DIAPH2: variants seen among roughly 807,000 people sequenced by gnomAD.
DIAPH2 encodes the protein protein diaphanous homolog 2.
A neutral mutation model predicts 92.7 loss-of-function variants in DIAPH2; 35 were observed. The observed-to-expected ratio is 0.38, with a 90% CI of 0.29 to 0.50. DIAPH2 has a LOEUF of 0.50. DIAPH2 is among the 20% of genes least tolerant of loss of function. The probability of loss-of-function intolerance (pLI) is 0.94; values close to 1 mark genes in which losing one functional copy is unlikely to be tolerated. For synonymous variants in DIAPH2, 301 were observed against 280.4 expected (o/e 1.07, Z -0.73); for missense variants, 701 against 819.5 (o/e 0.86, Z 1.77).
chrX:97,415,909 T>C (rs946681180), intron 25 of DIAPH2, among the ~76,000 whole-genome samples: 3 of 111,435 alleles, frequency 2.7e-5, no homozygotes, highest in Non-Finnish European at 5.7e-5. Flanking sequence ...GGACAGGAAC[T>C]AGAAGCTTTG....
At chrX:97,246,076 T>C (rs2068140011) in intron 22 of DIAPH2, among the ~76,000 whole-genome samples, 2 of 103,673 alleles carry the variant, frequency 1.9e-5, no homozygotes, top group African/African-American at 7.0e-5. Context: ...CTAATTTTTG[T>C]ATTTTTTTTT....
chrX:97,278,503 C>G (rs1346042570), intron 23 of DIAPH2, among the ~76,000 whole-genome samples: 1 of 111,293 alleles, frequency 9.0e-6, no homozygotes, highest in Non-Finnish European at 1.9e-5. Context: ...TCCCCCTAAC[C>G]CCTGGCAACC....
chrX:96,840,791 T>C (rs1451583270), intron 4 of DIAPH2, among the ~76,000 whole-genome samples: 4 of 108,430 alleles, frequency 3.7e-5, no homozygotes, highest in Non-Finnish European at 7.7e-5. Flanking sequence ...TTTTTTGTAT[T>C]TTTAGTAGAG....
chrX:97,120,551 G>T (rs190817648), intron 21 of DIAPH2, among the ~76,000 whole-genome samples: 1 of 106,513 alleles, frequency 9.4e-6, no homozygotes, highest in East Asian at 2.9e-4. Context: ...CCTGCTTCCC[G>T]TCTGCCATGA....
At chrX:97,472,888 T>A (rs2070574128) in intron 26 of DIAPH2, among the ~76,000 whole-genome samples, 1 of 112,262 alleles carries the variant, frequency 8.9e-6, no homozygotes, top group South Asian at 3.7e-4. Flanking sequence ...GCCTTTCTCC[T>A]ACATTCCCCC....
At chrX:97,267,872 A>C (rs1021658350) in intron 23 of DIAPH2, among the ~76,000 whole-genome samples, 3 of 111,470 alleles carry the variant, frequency 2.7e-5, no homozygotes, top group African/African-American at 9.8e-5. Flanking sequence ...AACTAAACTG[A>C]CTGACTTTGA....
At chrX:96,938,870 A>G (rs908780631) in intron 11 of DIAPH2, among the ~76,000 whole-genome samples, 1 of 112,147 alleles carries the variant, frequency 8.9e-6, no homozygotes, top group Admixed American at 9.5e-5. Context: ...CTTATGTGGC[A>G]GTGAAAATAG....
At chrX:97,533,056 A>T (rs149272800) in intron 26 of DIAPH2, 63 of 111,587 alleles carry the variant, frequency 5.6e-4, no homozygotes, top group African/African-American at 1.9e-3. Flanking sequence ...TGAATTTTGA[A>T]CATAAAAGTT....
Position 96,827,308 on chromosome X carries a change from A to G in DIAPH2, c.448-54271A>G, listed in dbSNP as rs184354900. Among the ~76,000 whole-genome samples, 15 of 112,379 alleles carry G rather than the reference A, an allele frequency of 1.3e-4. No individual in the cohort carries two copies. In the East Asian group the frequency reaches 4.2e-3, roughly 31 times the overall value. ...TGATCTGAATGTCTTATTGCAAAACACGGGGAAGATATTAGCTAAAGATTT... is the reference window on the plus strand; with the variant it reads ...TGATCTGAATGTCTTATTGCAAAACGCGGGGAAGATATTAGCTAAAGATTT... On this transcript the variant is annotated intron_variant, in intron 4 of 26. Coordinates refer to ENST00000324765, the MANE Select transcript of DIAPH2 (RefSeq NM_006729.5).
chrX:96,931,381 G>T (rs1214628063), intron 10 of DIAPH2, among the ~76,000 whole-genome samples: 1 of 111,621 alleles, frequency 9.0e-6, no homozygotes, highest in Non-Finnish European at 1.9e-5. Context: ...TTTTTGGAAT[G>T]ATTTTGTATG....
chrX:96,852,064 T>TG (rs1271799457), intron 4 of DIAPH2, among the ~76,000 whole-genome samples: 1 of 112,409 alleles, frequency 8.9e-6, no homozygotes, highest in Non-Finnish European at 1.9e-5. Flanking sequence ...AAAGCTCTTA[T>TG]GTTAGACTGT....
intron 1 of DIAPH2, chrX:96,701,747 C>A (rs1226669951): frequency 1.8e-5 from 2 of 111,529 alleles, no homozygotes; most frequent in Non-Finnish European, 3.8e-5. Flanking sequence ...TGTGACTGAA[C>A]TTGTTTTATG....
chrX:97,531,270 T>C lies in DIAPH2; in HGVS notation c.3242-67983T>C, dbSNP rs761769576. Among the ~76,000 whole-genome samples, 4 of 111,347 alleles carry C rather than the reference T, an allele frequency of 3.6e-5. No homozygotes were observed. In the South Asian group the frequency reaches 1.5e-3, roughly 43 times the overall value. ...TCTTCCAGTCGTTTTCCATTTTTAC[T>C]TCCTTTTCCACTACTATTTTACATT... On this transcript the variant is annotated intron_variant, in intron 26 of 26. Coordinates refer to ENST00000324765, the MANE Select transcript of DIAPH2 (RefSeq NM_006729.5).
chrX:96,894,602 G>A (rs1045833654), intron 5 of DIAPH2, among the ~76,000 whole-genome samples: 9 of 111,699 alleles, frequency 8.1e-5, no homozygotes, highest in African/African-American at 2.6e-4. Context: ...TGTAAGTGGT[G>A]TGGGACATCA....
intron 21 of DIAPH2, among the ~76,000 whole-genome samples, chrX:97,122,379 C>G (rs774011759): frequency 9.0e-6 from 1 of 111,471 alleles, no homozygotes; most frequent in South Asian, 3.8e-4. Flanking sequence ...GTTGTATAGA[C>G]TGTCAGAGTA....
intron 11 of DIAPH2, 59 bp from the exon 12 acceptor site, chrX:96,939,207 C>G (rs1602645714): frequency 1.9e-6 from 1 of 523,199 alleles, no homozygotes; most frequent in East Asian, 4.1e-5. Flanking sequence ...AAGTTAAACT[C>G]CTTTGTTATG....
chrX:96,767,456 A>G (rs756913891), intron 4 of DIAPH2, among the ~76,000 whole-genome samples: 58 of 111,564 alleles, frequency 5.2e-4, no homozygotes, highest in African/African-American at 1.8e-3. Context: ...ATAATACTAA[A>G]TTTGTGATAT....
intron 23 of DIAPH2, among the ~76,000 whole-genome samples, chrX:97,308,311 T>C (rs1373710717): frequency 6.3e-5 from 7 of 111,788 alleles, no homozygotes; most frequent in African/African-American, 2.3e-4. Flanking sequence ...ACTCTTGTCT[T>C]ACAGATTGAC....
chrX:97,144,244 T>G (rs982562813), intron 22 of DIAPH2, among the ~76,000 whole-genome samples: 1 of 110,810 alleles, frequency 9.0e-6, no homozygotes, highest in Non-Finnish European at 1.9e-5. Flanking sequence ...GCAAGAGCAT[T>G]CCTCGAGCCC....
Sources: allele counts gnomAD v4.1 joint callset (sites outside exome capture counted in the v4.1 genomes callset), GRCh38; gene constraint gnomAD v4.1.1; transcripts MANE v1.5; gene names NCBI Gene and HGNC (gene_info 2026-07-23, HGNC 2026-07-21).